AAMDC: variants seen among roughly 807,000 people sequenced by gnomAD.
The protein encoded by AAMDC is mth938 domain-containing protein.
AAMDC carries 16 observed loss-of-function variants against 15.5 expected under a neutral mutation model. The observed-to-expected ratio is 1.03, with a 90% CI of 0.70 to 1.57. The LOEUF is 1.57. AAMDC is among the 40% of genes most tolerant of loss of function. The pLI, the probability that AAMDC is intolerant of heterozygous loss-of-function variation, is 0.00. For missense variants in AAMDC, 141 were observed against 144.9 expected, an observed-to-expected ratio of 0.97 and a Z score of 0.14; for synonymous variants, 51 against 51.6, an observed-to-expected ratio of 0.99 and a Z score of 0.05.
intron 3 of AAMDC, among the ~76,000 whole-genome samples, chr11:77,870,751 G>C (rs1339425489): frequency 1.3e-5 from 2 of 152,168 alleles, no homozygotes; most frequent in African/African-American, 4.8e-5. Context: ...CTTCACATTT[G>C]ATGTATATTT....
At chr11:77,891,389 A>G in intron 5 of AAMDC, 1 of 1,612,804 alleles carries the variant, frequency 6.2e-7, no homozygotes, top group Admixed American at 1.7e-5. Context: ...GGCAACCACC[A>G]ACCCAGAGGT....
At chr11:77,846,286 G>A (rs572026065) in intron 2 of AAMDC, among the ~76,000 whole-genome samples, 1 of 152,148 alleles carries the variant, frequency 6.6e-6, no homozygotes, top group African/African-American at 2.4e-5. Context: ...ATTCATTTTT[G>A]TAATTTAGAT....
Position 77,841,123 on chromosome 11 carries a change from G to A in AAMDC, c.-18-1356G>A. ...TCATCACATGGTGGAAGCACCAAGA[G>A]AGGGCCATACTTGTCCTTTTATAAT... On this transcript the variant is annotated intron_variant, in intron 1 of 3. Coordinates refer to ENST00000393427, the MANE Select transcript of AAMDC (RefSeq NM_024684.4). 4.4e-6 allele frequency: 3 copies of A among 686,906 alleles called. No homozygotes were observed. The South Asian group carries it at 4.5e-5, about 10-fold the overall frequency. 42.6% of individuals were successfully genotyped at this position (686,906 alleles called of 1,614,324 possible). A position where few individuals can be genotyped will look rare whatever the true frequency, so the allele number is the denominator to read the frequency against.
intron 2 of AAMDC, among the ~76,000 whole-genome samples, chr11:77,855,722 T>TC (rs1276658834): frequency 3.9e-4 from 57 of 146,646 alleles, no homozygotes; most frequent in African/African-American, 1.4e-3. Flanking sequence ...TTTTATGTCT[T>TC]TTTTTTTTTT....
intron 1 of AAMDC, among the ~76,000 whole-genome samples, chr11:77,837,323 G>C (rs1422407084): frequency 2.0e-5 from 3 of 152,124 alleles, no homozygotes; most frequent in African/African-American, 7.2e-5. Flanking sequence ...TTTTAGTAGA[G>C]ACAGGGTTTC....
intron 1 of AAMDC, among the ~76,000 whole-genome samples, chr11:77,828,691 G>T (rs920407978): frequency 4.7e-5 from 7 of 147,522 alleles, no homozygotes; most frequent in Non-Finnish European, 1.1e-4. Flanking sequence ...AAAAAAGAAA[G>T]AAAATTATAA....
chr11:77,861,066 G>T (rs1410106591), intron 2 of AAMDC, among the ~76,000 whole-genome samples: 1 of 152,134 alleles, frequency 6.6e-6, no homozygotes, highest in Non-Finnish European at 1.5e-5. Context: ...ACGGAAAGGA[G>T]GCAGAATCCT....
At chr11:77,868,758 C>T (rs1951253124) in intron 2 of AAMDC, 2 of 233,672 alleles carry the variant, frequency 8.6e-6, no homozygotes, top group South Asian at 8.0e-5. Flanking sequence ...ACTCAGGCTC[C>T]TTCCCACTGG....
At chr11:77,869,076 A>C in intron 2 of AAMDC, 1 of 299,896 alleles carries the variant, frequency 3.3e-6, no homozygotes, top group Non-Finnish European at 6.4e-6. Context: ...TGATGTCTAC[A>C]GTATCACCTG....
intron 1 of AAMDC, among the ~76,000 whole-genome samples, chr11:77,826,386 C>G (rs1949174512): frequency 6.6e-6 from 1 of 151,824 alleles, no homozygotes; most frequent in Non-Finnish European, 1.5e-5. Flanking sequence ...GGGGGACAGC[C>G]TGTATTATTA....
downstream of AAMDC, among the ~76,000 whole-genome samples, chr11:77,903,219 C>T (rs1342099156): frequency 2.0e-5 from 3 of 152,252 alleles, no homozygotes; most frequent in Non-Finnish European, 2.9e-5. Context: ...TGCTCCTTCT[C>T]ATATCACTAA....
chr11:77,888,012 A>G (rs1952092951), intron 5 of AAMDC, among the ~76,000 whole-genome samples: 1 of 152,236 alleles, frequency 6.6e-6, no homozygotes, highest in Non-Finnish European at 1.5e-5. Flanking sequence ...GGTAATTTAT[A>G]CATTCAATGC....
intron 5 of AAMDC, chr11:77,884,708 C>T: frequency 7.4e-6 from 2 of 269,390 alleles, no homozygotes; most frequent in South Asian, 6.9e-5. Context: ...TATAATCCTT[C>T]ATCTCTCCTC....
chr11:77,829,811 A>G (rs993155423), intron 1 of AAMDC: 1 of 152,206 alleles, frequency 6.6e-6, no homozygotes, highest in African/African-American at 2.4e-5. Flanking sequence ...AAAAGTCAAG[A>G]CCATCAGTTC....
chr11:77,851,976 C>G (rs1950402378), intron 2 of AAMDC, among the ~76,000 whole-genome samples: 1 of 152,066 alleles, frequency 6.6e-6, no homozygotes, highest in Admixed American at 6.5e-5. Context: ...ACCATCAATT[C>G]AGATTCACTA....
At chr11:77,823,445 T>C (rs1358279598) in intron 1 of AAMDC, among the ~76,000 whole-genome samples, 6 of 151,296 alleles carry the variant, frequency 4.0e-5, no homozygotes, top group African/African-American at 1.5e-4. Context: ...TTAAAAATAA[T>C]CTGGGCGAGG....
At chr11:77,848,879 A>C (rs1411758680) in intron 2 of AAMDC, among the ~76,000 whole-genome samples, 1 of 152,076 alleles carries the variant, frequency 6.6e-6, no homozygotes, top group Non-Finnish European at 1.5e-5. Context: ...TCAACCTCTT[A>C]GATTCAAGCG....
intron 2 of AAMDC, chr11:77,850,628 C>T (rs931739970): frequency 3.9e-5 from 6 of 151,950 alleles, no homozygotes; most frequent in Non-Finnish European, 8.8e-5. Flanking sequence ...AAATGTTTAC[C>T]CCAACTTTTT....
At chr11:77,829,667 G>T (rs931977052) in intron 1 of AAMDC, 1 of 152,064 alleles carries the variant, frequency 6.6e-6, no homozygotes, top group African/African-American at 2.4e-5. Context: ...GAAAACAAGG[G>T]TAAATCTTTA....
Sources: allele counts gnomAD v4.1 joint callset (sites outside exome capture counted in the v4.1 genomes callset), GRCh38; gene constraint gnomAD v4.1.1; transcripts MANE v1.5; gene names NCBI Gene and HGNC (gene_info 2026-07-23, HGNC 2026-07-21).